The following LARGE1 variants were observed in gnomAD, a reference collection of about 807,000 sequenced individuals.
LARGE1 encodes the protein LARGE xylosyl- and glucuronyltransferase 1.
In LARGE1, 43 loss-of-function variants were observed where a neutral mutation model predicts 87.6. The observed-to-expected ratio is 0.49, with a 90% confidence interval of 0.38 to 0.63. The LOEUF is 0.63. LARGE1 is among the 30% of genes least tolerant of loss of function. The pLI, the probability that LARGE1 is intolerant of heterozygous loss-of-function variation, is 0.00. For synonymous variants in LARGE1, 434 were observed against 394.6 expected, an observed-to-expected ratio of 1.10 and a Z score of -1.18; for missense variants, 802 against 1,000.2, an observed-to-expected ratio of 0.80 and a Z score of 2.67.
chr22:33,890,820 T>TC (rs1033375920), intron 1 of LARGE1, among the ~76,000 whole-genome samples: 3 of 151,742 alleles, frequency 2.0e-5, no homozygotes, highest in African/African-American at 7.3e-5. Flanking sequence ...TGCCTCAGTT[T>TC]CCCTAAAGCA....
chr22:33,203,543 C>T (rs1924522606), intron 11 of LARGE1, among the ~76,000 whole-genome samples: 1 of 152,118 alleles, frequency 6.6e-6, no homozygotes, highest in African/African-American at 2.4e-5. Flanking sequence ...AAGGCTTCCA[C>T]AGCTGTCAGT....
intron 2 of LARGE1, among the ~76,000 whole-genome samples, chr22:33,680,695 G>T (rs990299664): frequency 2.0e-5 from 3 of 151,914 alleles, no homozygotes; most frequent in Non-Finnish European, 4.4e-5. Context: ...TTATTCCTGC[G>T]TCTAACAAAG....
chr22:33,091,657 G>T, the LARGE1 span, among the ~76,000 whole-genome samples: 5 of 152,322 alleles, frequency 3.3e-5, no homozygotes, highest in East Asian at 1.9e-4. Context: ...AAAGCGAAAA[G>T]ACTTTGAAGT....
intron 6 of LARGE1, among the ~76,000 whole-genome samples, chr22:33,540,713 T>C (rs1013011174): frequency 6.6e-6 from 1 of 151,904 alleles, no homozygotes; most frequent in African/African-American, 2.4e-5. Context: ...ATACCAGAGG[T>C]TCTGACTTGG....
At chr22:33,067,259 A>G in the LARGE1 span, among the ~76,000 whole-genome samples, 5 of 152,066 alleles carry the variant, frequency 3.3e-5, no homozygotes, top group East Asian at 5.8e-4. Context: ...ATAAAATGCT[A>G]TATCACATAG....
rs531270550 is a variant in LARGE1 at position 33,816,638 on chromosome 22, G to A, written c.-82-55080C>T. Among the ~76,000 whole-genome samples the A allele has an allele frequency of 1.5e-4, 23 of 151,754 alleles. No homozygotes were observed. In the South Asian group the frequency reaches 1.9e-3, roughly 12 times the overall value. On this transcript the variant is annotated intron_variant, in intron 1 of 14. Transcript: ENST00000397394. ...ATAGCAGGCAGGCAGGCGGGAGGGC[G>A]GGTGGACATACAGACAGACGGATGC...
intron 13 of LARGE1, among the ~76,000 whole-genome samples, chr22:33,277,645 C>A (rs574892733): frequency 1.3e-5 from 2 of 152,182 alleles, no homozygotes; most frequent in Non-Finnish European, 2.9e-5. Flanking sequence ...AATCACCAGA[C>A]GGAGGCCTAG....
At chr22:33,739,150 G>C (rs574036827) in intron 2 of LARGE1, among the ~76,000 whole-genome samples, 24 of 152,252 alleles carry the variant, frequency 1.6e-4, no homozygotes, top group African/African-American at 5.8e-4. Context: ...GAGATACCAT[G>C]TGTCCTTTAC....
intron 1 of LARGE1, among the ~76,000 whole-genome samples, chr22:33,859,593 G>A (rs1308589985): frequency 6.6e-6 from 1 of 152,220 alleles, no homozygotes; most frequent in Non-Finnish European, 1.5e-5. Context: ...ATCCTTGGAA[G>A]TAAAAAGCAG....
At chr22:33,788,726 G>A (rs914042664) in intron 1 of LARGE1, among the ~76,000 whole-genome samples, 7 of 152,178 alleles carry the variant, frequency 4.6e-5, no homozygotes, top group South Asian at 2.1e-4. Flanking sequence ...CTAGAGATTT[G>A]TAGAAACTTG....
chr22:33,680,480 A>G (rs932650783), intron 2 of LARGE1, among the ~76,000 whole-genome samples: 11 of 148,738 alleles, frequency 7.4e-5, no homozygotes, highest in East Asian at 5.7e-4. Context: ...GGCAGAAGAG[A>G]CCTTTGATGC....
At chr22:33,828,093 G>A (rs2062852288) in intron 1 of LARGE1, among the ~76,000 whole-genome samples, 1 of 152,222 alleles carries the variant, frequency 6.6e-6, no homozygotes, top group Admixed American at 6.5e-5. Flanking sequence ...GTATTCACCA[G>A]AAGAGACGCA....
intron 6 of LARGE1, among the ~76,000 whole-genome samples, chr22:33,490,117 A>G (rs891361147): frequency 2.0e-5 from 3 of 152,086 alleles, no homozygotes; most frequent in Admixed American, 6.5e-5. Context: ...TGCTCCCTCA[A>G]CTGGATCATT....
intron 2 of LARGE1, among the ~76,000 whole-genome samples, chr22:33,651,225 C>CAAAAAAAAACAAAAAAAAAAAA (rs2080796373): frequency 1.8e-5 from 1 of 56,574 alleles, no homozygotes; most frequent in African/African-American, 6.8e-5. Flanking sequence ...ACTAAAAATA[C>CAAAAAAAAACAAAAAAAAAAAA]AAAAAAAAAA....
At chr22:33,899,950 GT>G (rs1688457363) in intron 1 of LARGE1, among the ~76,000 whole-genome samples, 2 of 152,300 alleles carry the variant, frequency 1.3e-5, no homozygotes, top group South Asian at 4.2e-4. Flanking sequence ...TTGGAGGGTT[GT>G]TTTTGGCTTA....
At chr22:33,188,315 T>C (rs570883066) in intron 11 of LARGE1, among the ~76,000 whole-genome samples, 17 of 152,132 alleles carry the variant, frequency 1.1e-4, no homozygotes, top group Admixed American at 3.9e-4. Context: ...GAACCCACCA[T>C]GTTGCTGAGG....
At chr22:33,069,816 CTT>C in the LARGE1 span, among the ~76,000 whole-genome samples, 8 of 126,746 alleles carry the variant, frequency 6.3e-5, no homozygotes, top group Admixed American at 8.8e-5. Flanking sequence ...TTATTACATT[CTT>C]TTTTTTTTTT....
chr22:33,892,491 A>T (rs1012256478), intron 1 of LARGE1, among the ~76,000 whole-genome samples: 1 of 152,244 alleles, frequency 6.6e-6, no homozygotes, highest in African/African-American at 2.4e-5. Flanking sequence ...ACTTAAAGTC[A>T]AAAGTCAAAG....
At chr22:33,590,630 C>T (rs62227096) in intron 5 of LARGE1, among the ~76,000 whole-genome samples, 13,988 of 152,230 alleles carry the variant, frequency 0.092, 815 homozygotes, top group African/African-American at 0.17. Context: ...ATCAATGGAA[C>T]CATTTACCAT....
Sources: allele counts gnomAD v4.1 joint callset (sites outside exome capture counted in the v4.1 genomes callset), GRCh38; gene constraint gnomAD v4.1.1; transcripts MANE v1.5; gene names NCBI Gene and HGNC (gene_info 2026-07-23, HGNC 2026-07-21).